MAPRE2: variants seen among roughly 807,000 people sequenced by gnomAD.
The protein encoded by MAPRE2 is microtubule-associated protein RP/EB family member 2.
MAPRE2 carries 13 observed loss-of-function variants against 43.2 expected under a neutral mutation model. That is an observed-to-expected ratio of 0.30 (90% CI 0.20 to 0.48). The LOEUF (loss-of-function observed/expected upper bound fraction) is 0.48. Among genes scored for constraint, MAPRE2 ranks in the 20% least tolerant of loss-of-function variants. The pLI, the probability that MAPRE2 is intolerant of heterozygous loss-of-function variation, is 0.99. For synonymous variants in MAPRE2, 135 were observed against 148.8 expected, an observed-to-expected ratio of 0.91 and a Z score of 0.68; for missense variants, 161 against 400.2, an observed-to-expected ratio of 0.40 and a Z score of 5.10.
chr18:35,055,110 T>A (rs1415806820), intron 1 of MAPRE2, among the ~76,000 whole-genome samples: 1 of 152,216 alleles, frequency 6.6e-6, no homozygotes, highest in Non-Finnish European at 1.5e-5. Flanking sequence ...TTACAAACGT[T>A]TATATGGATT....
chr18:34,989,278 AT>A (rs2097022552), intron 1 of MAPRE2, among the ~76,000 whole-genome samples: 1 of 152,064 alleles, frequency 6.6e-6, no homozygotes, highest in Non-Finnish European at 1.5e-5. Context: ...TTCCCTTAGC[AT>A]TTGTAATGTT....
At chr18:35,041,718 C>T (rs1165693422) in intron 1 of MAPRE2, 57 bp downstream of exon 1, 22 of 1,612,690 alleles carry the variant, frequency 1.4e-5, no homozygotes, top group Non-Finnish European at 1.8e-5. Flanking sequence ...GCGCGGAAAT[C>T]CAGCCCGTTA....
intron 4 of MAPRE2, among the ~76,000 whole-genome samples, chr18:35,125,757 C>G (rs1477500645): frequency 6.6e-6 from 1 of 152,132 alleles, no homozygotes; most frequent in African/African-American, 2.4e-5. Context: ...GCGCGTTGTT[C>G]TAGGTAGTGA....
intron 1 of MAPRE2, among the ~76,000 whole-genome samples, chr18:34,981,619 A>AT (rs1324077371): frequency 1.3e-5 from 2 of 152,156 alleles, no homozygotes; most frequent in African/African-American, 4.8e-5. Flanking sequence ...CTTAATCATA[A>AT]TTGGGTAAAT....
intron 4 of MAPRE2, among the ~76,000 whole-genome samples, chr18:35,118,925 C>T (rs562702542): frequency 6.6e-6 from 1 of 152,234 alleles, no homozygotes; most frequent in Non-Finnish European, 1.5e-5. Flanking sequence ...CCTCTCCTGC[C>T]TCAGGTCTTG....
At chr18:35,003,947 A>G (rs2097030564) in intron 1 of MAPRE2, among the ~76,000 whole-genome samples, 1 of 152,230 alleles carries the variant, frequency 6.6e-6, no homozygotes, top group Admixed American at 6.5e-5. Flanking sequence ...GAAGGAAAAA[A>G]CTTAGATTGT....
At chr18:35,136,545 C>T (rs1179911295) in intron 6 of MAPRE2, among the ~76,000 whole-genome samples, 3 of 152,154 alleles carry the variant, frequency 2.0e-5, no homozygotes, top group Non-Finnish European at 4.4e-5. Flanking sequence ...GACTTCACAG[C>T]GAAGATGGCA....
At chr18:35,031,848 A>G (rs1473808341) in intron 2 of MAPRE2, among the ~76,000 whole-genome samples, 1 of 152,230 alleles carries the variant, frequency 6.6e-6, no homozygotes, top group Non-Finnish European at 1.5e-5. Context: ...GGCTTTCTTC[A>G]TCTGGAGGAA....
chr18:35,101,811 C>T, intron 3 of MAPRE2, 135 bp from the exon 4 acceptor site: 2 of 649,188 alleles, frequency 3.1e-6, no homozygotes, highest in East Asian at 2.9e-5. Flanking sequence ...AGGTTGCTTC[C>T]AAATCTTAGC....
intron 4 of MAPRE2, among the ~76,000 whole-genome samples, chr18:35,110,560 C>A (rs370093146): frequency 1.3e-5 from 2 of 152,200 alleles, no homozygotes; most frequent in African/African-American, 4.8e-5. Context: ...TCTGAACACC[C>A]AAGTTCCCTA....
intron 1 of MAPRE2, among the ~76,000 whole-genome samples, chr18:34,995,980 T>C (rs1479602903): frequency 6.6e-6 from 1 of 152,104 alleles, no homozygotes; most frequent in Non-Finnish European, 1.5e-5. Context: ...TAACCTGCAT[T>C]GTAACAAAAT....
intron 2 of MAPRE2, among the ~76,000 whole-genome samples, chr18:35,010,224 A>T (rs1408852230): frequency 7.2e-5 from 11 of 152,096 alleles, no homozygotes; most frequent in Admixed American, 6.5e-5. Flanking sequence ...TCATCTCTCT[A>T]CAAAAAAAAT....
upstream of MAPRE2, among the ~76,000 whole-genome samples, chr18:35,037,164 C>CA: frequency 6.8e-6 from 1 of 146,864 alleles, no homozygotes; most frequent in South Asian, 2.1e-4. Flanking sequence ...AAGCCTGAGG[C>CA]TTTTTTTTTT....
At chr18:35,042,380 C>T (rs914833562) in intron 1 of MAPRE2, among the ~76,000 whole-genome samples, 3 of 152,040 alleles carry the variant, frequency 2.0e-5, no homozygotes, top group Admixed American at 1.3e-4. Context: ...AAGGTGATTC[C>T]TGGTCTTTTG....
chr18:35,041,576 G>T lies in MAPRE2; in HGVS notation c.37G>T (p.Glu13Ter). The change falls in exon 1 of 7, where the codon GAG becomes TAG. Residue 13 changes from glutamate to a stop codon, truncating the protein, a stop_gained. Coordinates refer to ENST00000300249, the MANE Select transcript of MAPRE2 (RefSeq NM_014268.4). LOFTEE classifies it high-confidence loss of function. ...GACCCAAACCCTGTCCCCAAATGGC[G>T]AGAACAACAACGACATCATCCAGGA... ...GPTQTLSPNG[E>*]NNNDIIQDNN... is the part of the protein sequence containing the mutation. 6.2e-7 allele frequency: 1 copy of T among 1,614,226 alleles called. No individual in the cohort carries two copies. Among genetic ancestry groups the T allele is most frequent in the Non-Finnish European group, 8.5e-7 (1 of 1,180,048 alleles).
intron 2 of MAPRE2, among the ~76,000 whole-genome samples, chr18:35,022,623 C>A (rs1303923203): frequency 6.6e-6 from 1 of 152,052 alleles, no homozygotes; most frequent in African/African-American, 2.4e-5. Flanking sequence ...GGAGGTAATA[C>A]CACTTGATTC....
chr18:35,081,662 G>C, intron 2 of MAPRE2, among the ~76,000 whole-genome samples: 1 of 152,218 alleles, frequency 6.6e-6, no homozygotes, highest in South Asian at 2.1e-4. Context: ...GTCTTGGGGA[G>C]AGGGTGAAAT....
intron 2 of MAPRE2, among the ~76,000 whole-genome samples, chr18:35,076,662 A>T (rs763617759): frequency 6.6e-6 from 1 of 152,188 alleles, no homozygotes; most frequent in Non-Finnish European, 1.5e-5. Flanking sequence ...AAGTACATGA[A>T]GCATATTGTC....
intron 4 of MAPRE2, among the ~76,000 whole-genome samples, chr18:35,112,114 C>T (rs1210211076): frequency 6.6e-6 from 1 of 152,008 alleles, no homozygotes; most frequent in Admixed American, 6.6e-5. Flanking sequence ...AGCAAGACTT[C>T]TCTTCAAATA....
Sources: allele counts gnomAD v4.1 joint callset (sites outside exome capture counted in the v4.1 genomes callset), GRCh38; gene constraint gnomAD v4.1.1; transcripts MANE v1.5; gene names NCBI Gene and HGNC (gene_info 2026-07-23, HGNC 2026-07-21).